The following BCKDHB variants were observed in gnomAD, a reference collection of about 807,000 sequenced individuals.
BCKDHB encodes branched chain keto acid dehydrogenase E1 subunit beta, also known as 2-oxoisovalerate dehydrogenase subunit beta, mitochondrial.
In BCKDHB, 41 loss-of-function variants were observed where a neutral mutation model predicts 48.5. The observed-to-expected ratio is 0.85, with a 90% CI of 0.66 to 1.10. The LOEUF (loss-of-function observed/expected upper bound fraction) is 1.10, where lower values mean the gene tolerates loss of function less well. Among genes scored for constraint, BCKDHB ranks in the 50% least tolerant of loss-of-function variants. The pLI is 0.00. For missense variants in BCKDHB, 496 were observed against 494.2 expected (o/e 1.00, Z -0.03); for synonymous variants, 201 against 174.8 (o/e 1.15, Z -1.18).
chr6:80,177,908 G>C (rs1198203106), intron 6 of BCKDHB, among the ~76,000 whole-genome samples: 1 of 152,170 alleles, frequency 6.6e-6, no homozygotes, highest in Non-Finnish European at 1.5e-5. Flanking sequence ...ACTAAATCCT[G>C]TTTAAGAATG....
At chr6:80,162,590 C>T (rs1490018907) in intron 3 of BCKDHB, among the ~76,000 whole-genome samples, 1 of 152,184 alleles carries the variant, frequency 6.6e-6, no homozygotes, top group Non-Finnish European at 1.5e-5. Flanking sequence ...GTGGCTCACG[C>T]CTGTAATCCC....
At chr6:80,384,194 G>A in the BCKDHB span, among the ~76,000 whole-genome samples, 13 of 152,146 alleles carry the variant, frequency 8.5e-5, no homozygotes, top group East Asian at 1.9e-3. Context: ...TCCTTAATTG[G>A]GTGGGTACCA....
intron 8 of BCKDHB, among the ~76,000 whole-genome samples, chr6:80,220,615 A>G (rs1775398360): frequency 6.6e-6 from 1 of 151,804 alleles, no homozygotes; most frequent in Non-Finnish European, 1.5e-5. Context: ...AGGGGTTGCC[A>G]CTAGGTTAGC....
At chr6:80,223,460 A>G (rs2127867017) in intron 8 of BCKDHB, among the ~76,000 whole-genome samples, 1 of 152,196 alleles carries the variant, frequency 6.6e-6, no homozygotes, top group African/African-American at 2.4e-5. Context: ...ATAAATTTCT[A>G]ATTTCTTATG....
Position 80,106,806 on chromosome 6 carries a change from C to T in BCKDHB, c.113C>T (p.Pro38Leu). 1 of 1,605,476 alleles carries T rather than the reference C, an allele frequency of 6.2e-7. No homozygotes were observed. The highest frequency in any genetic ancestry group is 8.5e-7 in the Non-Finnish European group (1 of 1,176,882). The change falls in exon 1 of 10, where the codon CCC becomes CTC. Residue 38 changes from proline (P) to leucine (L), a missense_variant. Pro to Leu is a moderately conservative substitution (Grantham distance 98). Coordinates refer to ENST00000320393, the MANE Select transcript of BCKDHB (RefSeq NM_183050.4). ...GAGLARGFLH[P>L]AATVEDAAQR... ...GGGCTGGCGCGGGGCTTTTTGCACC[C>T]CGCCGCGACTGTCGAGGATGCGGCC... is the stretch of plus-strand genomic sequence containing the variant.
chr6:80,452,244 G>A, the BCKDHB span, among the ~76,000 whole-genome samples: 8 of 152,314 alleles, frequency 5.3e-5, 1 homozygote, highest in South Asian at 1.4e-3. Flanking sequence ...CGATTTCAGT[G>A]GGGTAGAGAT....
intron 8 of BCKDHB, among the ~76,000 whole-genome samples, chr6:80,239,185 T>C (rs573100823): frequency 6.6e-6 from 1 of 152,296 alleles, no homozygotes; most frequent in South Asian, 2.1e-4. Context: ...CACTGTCTTC[T>C]ACAATGGTTG....
rs185227531 is a variant in BCKDHB, at chr6:80,173,971, A to G, written c.742+2581A>G. Among the ~76,000 whole-genome samples the G allele has an allele frequency of 2.6e-5, 4 of 152,214 alleles. No homozygotes were observed. The East Asian group carries it at 7.7e-4, about 29-fold the overall frequency. On this transcript the variant is annotated intron_variant, in intron 6 of 9. Transcript: ENST00000320393. ...ATTTGATTGAGGAGGCCTCTGGAAG[A>G]CATTCTGTATTGAAGGAATCAAAGA...
chr6:80,281,027 C>A (rs191963716), intron 9 of BCKDHB, among the ~76,000 whole-genome samples: 2 of 147,316 alleles, frequency 1.4e-5, no homozygotes, highest in Non-Finnish European at 3.0e-5. Context: ...CAGGTGTATG[C>A]GTGTGTGTGT....
At chr6:80,272,758 A>G (rs1337740035) in intron 8 of BCKDHB, among the ~76,000 whole-genome samples, 1 of 152,206 alleles carries the variant, frequency 6.6e-6, no homozygotes, top group African/African-American at 2.4e-5. Context: ...GTGCAAACAA[A>G]TGAATAAAAA....
At chr6:80,441,956 G>A in the BCKDHB span, among the ~76,000 whole-genome samples, 163 of 152,004 alleles carry the variant, frequency 1.1e-3, 1 homozygote, top group Non-Finnish European at 1.9e-3. Context: ...ATGATACAAA[G>A]AACAAATATA....
intron 3 of BCKDHB, among the ~76,000 whole-genome samples, chr6:80,148,616 A>T (rs1211044520): frequency 6.6e-6 from 1 of 152,096 alleles, no homozygotes; most frequent in African/African-American, 2.4e-5. Flanking sequence ...TAATTTAAAA[A>T]TATCTGTGAG....
intron 1 of BCKDHB, 132 bp from the exon 2 acceptor site, chr6:80,127,415 A>G (rs1209066420): frequency 1.3e-6 from 1 of 781,744 alleles, no homozygotes. Context: ...TATTATTGTA[A>G]ATAATTCAGC....
chr6:80,374,595 A>G, the BCKDHB span: 1 of 633,232 alleles, frequency 1.6e-6, no homozygotes, highest in South Asian at 1.7e-5. Context: ...CCGGCTACTT[A>G]GGAAAAGAGC....
intron 5 of BCKDHB, chr6:80,169,787 T>C: frequency 6.3e-7 from 1 of 1,594,862 alleles, no homozygotes; most frequent in Non-Finnish European, 8.6e-7. Context: ...TTATTCTTTT[T>C]TTCTTATTTG....
chr6:80,462,229 A>T, the BCKDHB span, among the ~76,000 whole-genome samples: 1 of 152,186 alleles, frequency 6.6e-6, no homozygotes, highest in Non-Finnish European at 1.5e-5. Flanking sequence ...CTTATGAAAA[A>T]ATATTTTCAA....
intron 8 of BCKDHB, among the ~76,000 whole-genome samples, chr6:80,263,828 T>G (rs1777399805): frequency 6.6e-6 from 1 of 152,120 alleles, no homozygotes; most frequent in South Asian, 2.1e-4. Flanking sequence ...TTCTTCTTAT[T>G]CACGGTATGC....
intron 1 of BCKDHB, among the ~76,000 whole-genome samples, chr6:80,117,285 T>A (rs1266065297): frequency 6.6e-6 from 1 of 152,262 alleles, no homozygotes; most frequent in Non-Finnish European, 1.5e-5. Context: ...GAATAGATTC[T>A]TTGTGGTTAT....
At chr6:80,110,889 C>A (rs933874105) in intron 1 of BCKDHB, among the ~76,000 whole-genome samples, 1 of 152,166 alleles carries the variant, frequency 6.6e-6, no homozygotes, top group Non-Finnish European at 1.5e-5. Context: ...GCTGTTTTAG[C>A]CTTCCTTGGT....
Sources: allele counts gnomAD v4.1 joint callset (sites outside exome capture counted in the v4.1 genomes callset), GRCh38; gene constraint gnomAD v4.1.1; transcripts MANE v1.5; gene names NCBI Gene and HGNC (gene_info 2026-07-23, HGNC 2026-07-21).